Variants in MYO1D observed in about 807,000 individuals in gnomAD.
MYO1D encodes the protein myosin ID, also known as unconventional myosin-Id.
Under a neutral mutation model 122.0 loss-of-function variants are expected in MYO1D, and 83 were observed. That is an observed-to-expected ratio of 0.68 (90% CI 0.57 to 0.82). The LOEUF is 0.82. Ranked by LOEUF, MYO1D falls within the 40% of genes least tolerant of loss-of-function variation. MYO1D has a pLI of 0.00. For synonymous variants in MYO1D, 464 were observed against 446.9 expected, an observed-to-expected ratio of 1.04 and a Z score of -0.48; for missense variants, 1,157 against 1,269.5, an observed-to-expected ratio of 0.91 and a Z score of 1.35.
intron 1 of MYO1D, among the ~76,000 whole-genome samples, chr17:32,812,742 A>C (rs1036686607): frequency 2.0e-5 from 3 of 152,218 alleles, no homozygotes; most frequent in Admixed American, 2.0e-4. Flanking sequence ...CCTGCTGCAC[A>C]GTTTTGCTTA....
chr17:32,650,247 G>C (rs1204089042), intron 19 of MYO1D, among the ~76,000 whole-genome samples: 1 of 152,150 alleles, frequency 6.6e-6, no homozygotes, highest in Non-Finnish European at 1.5e-5. Flanking sequence ...TAAAGATGTT[G>C]CTCCACTGTC....
Position 32,552,407 on chromosome 17 carries a change from TCCATCCATCCAC to T in MYO1D, c.2864+52668_2864+52679del, listed in dbSNP as rs752591877. ...CTCACTCTTTAACCTTTGTAATCCA[TCCATCCATCCAC>T]CCATCCATCCATCCATCCATCCATC... is the stretch of plus-strand genomic sequence containing the variant. On this transcript the variant is annotated intron_variant, in intron 21 of 21. Transcript: ENST00000318217. Among the ~76,000 whole-genome samples, 1,274 of 149,224 alleles carry T rather than the reference TCCATCCATCCAC, an allele frequency of 8.5e-3. 6 individuals are homozygous for T. Among genetic ancestry groups the T allele is most frequent in the Non-Finnish European group, 0.013 (886 of 66,898 alleles).
chr17:32,585,147 TCA>T (rs554248599), intron 21 of MYO1D, among the ~76,000 whole-genome samples: 105 of 152,294 alleles, frequency 6.9e-4, no homozygotes, highest in African/African-American at 2.4e-3. Flanking sequence ...AATTGTTCTC[TCA>T]TTTTTTTTTC....
Position 32,545,542 on chromosome 17 carries a change from G to A in MYO1D, c.2865-50627C>T, listed in dbSNP as rs554261667. On this transcript the variant is annotated intron_variant, in intron 21 of 21. Transcript: ENST00000318217. ...CTCTTATTAGGAAGACACTCACAGA[G>A]AATCATGACCGCTGTCTTACTTCTG... 1.7e-3 allele frequency among the ~76,000 whole-genome samples: 263 copies of A among 152,274 alleles called. 1 individual carries two copies. The highest frequency in any genetic ancestry group is 5.8e-3 in the African/African-American group (239 of 41,564).
chr17:32,782,893 C>T (rs956170937), intron 1 of MYO1D, among the ~76,000 whole-genome samples: 1 of 151,464 alleles, frequency 6.6e-6, no homozygotes, highest in Non-Finnish European at 1.5e-5. Context: ...CAAGATCGCA[C>T]CACTGCACTG....
At chr17:32,611,339 A>G (rs750645883) in intron 20 of MYO1D, among the ~76,000 whole-genome samples, 4 of 152,248 alleles carry the variant, frequency 2.6e-5, no homozygotes, top group Non-Finnish European at 5.9e-5. Flanking sequence ...ATACTTTAGA[A>G]AATTAAAGAA....
chr17:32,608,010 G>A (rs1214831860), intron 20 of MYO1D, among the ~76,000 whole-genome samples: 1 of 152,118 alleles, frequency 6.6e-6, no homozygotes, highest in Non-Finnish European at 1.5e-5. Flanking sequence ...AGATCGAAAT[G>A]CAAAATGTAA....
At position 32,876,964 on chromosome 17, in the gene MYO1D, C is replaced by T; in HGVS notation, c.-92G>A. 1 of 722,460 alleles carries T rather than the reference C, an allele frequency of 1.4e-6. No homozygotes were observed. Among genetic ancestry groups the T allele is most frequent in the Non-Finnish European group, 1.9e-6 (1 of 530,856 alleles). 44.8% of individuals were successfully genotyped at this position (722,460 alleles called of 1,614,324 possible). ...AGCTCGGGAGGGGCCGGGGCGAGGC[C>T]GCGCCGCGAGGCTACGGGGAGGGGG... is the stretch of plus-strand genomic sequence containing the variant. On this transcript the variant is annotated 5_prime_UTR_variant, in exon 1 of 22. Coordinates refer to ENST00000318217, the MANE Select transcript of MYO1D (RefSeq NM_015194.3).
At chr17:32,498,760 T>C (rs187799160) in intron 21 of MYO1D, 71 of 152,340 alleles carry the variant, frequency 4.7e-4, no homozygotes, top group African/African-American at 1.6e-3. Context: ...AAAGAGATGG[T>C]TCAAGAGAGC....
intron 6 of MYO1D, among the ~76,000 whole-genome samples, chr17:32,770,213 A>C (rs1240061974): frequency 1.3e-5 from 2 of 152,202 alleles, no homozygotes; most frequent in Non-Finnish European, 2.9e-5. Context: ...AGCTAAACCA[A>C]TAATGCAGGT....
At chr17:32,777,811 G>A (rs1159013375) in intron 3 of MYO1D, among the ~76,000 whole-genome samples, 1 of 152,134 alleles carries the variant, frequency 6.6e-6, no homozygotes, top group South Asian at 2.1e-4. Flanking sequence ...GCCGGTGCCT[G>A]TAGTCCCAGC....
chr17:32,632,188 G>T (rs1254302214), intron 20 of MYO1D, among the ~76,000 whole-genome samples: 3 of 152,110 alleles, frequency 2.0e-5, no homozygotes, highest in Admixed American at 6.5e-5. Context: ...TTAAAGTTTG[G>T]CATGGAGGAG....
chr17:32,598,321 C>A (rs915862460), intron 21 of MYO1D, among the ~76,000 whole-genome samples: 28 of 152,122 alleles, frequency 1.8e-4, no homozygotes, highest in Non-Finnish European at 8.8e-5. Context: ...TTGCAGTGAG[C>A]CAAGATTGCA....
At chr17:32,816,064 T>C (rs2090610988) in intron 1 of MYO1D, among the ~76,000 whole-genome samples, 1 of 152,194 alleles carries the variant, frequency 6.6e-6, no homozygotes. Flanking sequence ...TACAATATCC[T>C]AAACAAGGAA....
chr17:32,877,040 CCTCGGCGCCTT>C lies in MYO1D; in HGVS notation c.-179_-169del. ...GCCGGACAGAGGCCGCCTCGCTGCT[CCTCGGCGCCTT>C]CTCGGCCGGCGCGGCTCCGAACGGG... is the stretch of plus-strand genomic sequence containing the variant. On this transcript the variant is annotated 5_prime_UTR_variant, in exon 1 of 22. Transcript: ENST00000318217. 2 of 256,080 alleles carry C rather than the reference CCTCGGCGCCTT, an allele frequency of 7.8e-6. No individual in the cohort carries two copies. Among genetic ancestry groups the C allele is most frequent in the East Asian group, 1.6e-4 (2 of 12,240 alleles). 15.9% of individuals were successfully genotyped at this position (256,080 alleles called of 1,614,324 possible).
intron 1 of MYO1D, among the ~76,000 whole-genome samples, chr17:32,814,031 A>AT (rs2090593838): frequency 1.3e-5 from 2 of 152,232 alleles, no homozygotes; most frequent in Non-Finnish European, 2.9e-5. Context: ...GTGACCTGCC[A>AT]GAGTTCAGGT....
chr17:32,875,943 G>T (rs1229327166), intron 1 of MYO1D, among the ~76,000 whole-genome samples: 3 of 152,162 alleles, frequency 2.0e-5, no homozygotes, highest in African/African-American at 7.2e-5. Context: ...ACTCTATCAA[G>T]GGTGAAATAA....
intron 11 of MYO1D, among the ~76,000 whole-genome samples, chr17:32,749,539 T>C (rs1240546120): frequency 6.6e-6 from 1 of 152,148 alleles, no homozygotes; most frequent in Non-Finnish European, 1.5e-5. Context: ...AAGACCAGCC[T>C]GGGCAACATG....
chr17:32,854,954 A>C (rs945877108), intron 1 of MYO1D, among the ~76,000 whole-genome samples: 1 of 152,148 alleles, frequency 6.6e-6, no homozygotes, highest in Non-Finnish European at 1.5e-5. Flanking sequence ...GTGTGAGTGT[A>C]GCTTCACTCA....
Sources: allele counts gnomAD v4.1 joint callset (sites outside exome capture counted in the v4.1 genomes callset), GRCh38; gene constraint gnomAD v4.1.1; transcripts MANE v1.5; gene names NCBI Gene and HGNC (gene_info 2026-07-23, HGNC 2026-07-21).